Variants in ADGRL3 observed in about 807,000 individuals in gnomAD.
The protein encoded by ADGRL3 is calcium-independent alpha-latrotoxin receptor 3.
A neutral mutation model predicts 153.5 loss-of-function variants in ADGRL3; 62 were observed. That is an observed-to-expected ratio of 0.40 (90% CI 0.33 to 0.50). The LOEUF (loss-of-function observed/expected upper bound fraction) is 0.50, where lower values mean the gene tolerates loss of function less well. Among genes scored for constraint, ADGRL3 ranks in the 20% least tolerant of loss-of-function variants. ADGRL3 has a pLI of 0.47. For synonymous variants in ADGRL3, 710 were observed against 672.5 expected (o/e 1.06, Z -0.86); for missense variants, 1,641 against 1,859.4 (o/e 0.88, Z 2.16).
At chr4:62,048,879 C>G (rs1015293086) in intron 25 of ADGRL3, among the ~76,000 whole-genome samples, 1 of 151,966 alleles carries the variant, frequency 6.6e-6, no homozygotes, top group Non-Finnish European at 1.5e-5. Flanking sequence ...AACAATACCT[C>G]TAAAACTTCA....
At chr4:61,742,218 A>G (rs2096589270) in intron 8 of ADGRL3, among the ~76,000 whole-genome samples, 1 of 152,170 alleles carries the variant, frequency 6.6e-6, no homozygotes, top group Non-Finnish European at 1.5e-5. Context: ...GCCAAGTCAG[A>G]CATATGCTTC....
intron 4 of ADGRL3, among the ~76,000 whole-genome samples, chr4:61,524,221 C>T (rs941554633): frequency 5.5e-4 from 83 of 151,936 alleles, no homozygotes; most frequent in African/African-American, 2.0e-3. Context: ...TTTATAGAAG[C>T]GTTAACACAA....
chr4:61,912,689 G>A, intron 12 of ADGRL3, 30 bp from the exon 13 acceptor site: 2 of 1,606,182 alleles, frequency 1.2e-6, no homozygotes, highest in South Asian at 1.1e-5. Context: ...TTTCTATTCT[G>A]TGTTTAATCT....
intron 9 of ADGRL3, among the ~76,000 whole-genome samples, chr4:61,833,788 G>A (rs980610953): frequency 2.6e-5 from 4 of 152,032 alleles, no homozygotes; most frequent in African/African-American, 4.8e-5. Flanking sequence ...GGTTTGTCTT[G>A]GGAAAGATTG....
intron 1 of ADGRL3, among the ~76,000 whole-genome samples, chr4:61,365,068 G>A (rs2096369998): frequency 1.3e-5 from 2 of 152,086 alleles, no homozygotes; most frequent in Non-Finnish European, 2.9e-5. Flanking sequence ...TGGAAGATAA[G>A]TATTATAAGT....
In ADGRL3 at chr4:61,251,307, C is replaced by A. The variant is rs567796490; in HGVS notation, c.-240+49542C>A. ...CCTAGCTAGACTATTGACTAGAGAA[C>A]CTACACATGGCCTCCCCATGTGACC... On this transcript the variant is annotated intron_variant, in intron 1 of 26. Coordinates refer to ENST00000683033, the MANE Select transcript of ADGRL3 (RefSeq NM_001387552.1). Among the ~76,000 whole-genome samples the A allele has an allele frequency of 2.6e-5, 4 of 152,246 alleles. No individual in the cohort carries two copies. The South Asian group carries it at 6.2e-4, about 24-fold the overall frequency.
At chr4:61,251,391 A>T (rs539330860) in intron 1 of ADGRL3, among the ~76,000 whole-genome samples, 1 of 152,278 alleles carries the variant, frequency 6.6e-6, no homozygotes, top group African/African-American at 2.4e-5. Flanking sequence ...GAGCAGGTGT[A>T]TCAGGTAACC....
intron 1 of ADGRL3, among the ~76,000 whole-genome samples, chr4:61,381,831 GT>G (rs913555868): frequency 2.6e-5 from 4 of 151,962 alleles, no homozygotes; most frequent in Non-Finnish European, 5.9e-5. Flanking sequence ...TTAAAAATTT[GT>G]TTTTCCTGCC....
At chr4:61,292,148 C>A (rs1200638884) in intron 1 of ADGRL3, among the ~76,000 whole-genome samples, 5 of 151,728 alleles carry the variant, frequency 3.3e-5, no homozygotes, top group Non-Finnish European at 7.4e-5. Context: ...CAGCATGAAC[C>A]TCAATAAATA....
chr4:61,295,458 G>C (rs1256151947), intron 1 of ADGRL3, among the ~76,000 whole-genome samples: 1 of 152,166 alleles, frequency 6.6e-6, no homozygotes, highest in East Asian at 1.9e-4. Flanking sequence ...TTGGAACACA[G>C]TCCCTGTGAA....
At chr4:61,694,179 ATTTTTTTTTTTTTTTTTTTTTTTTT>A (rs554084495) in intron 6 of ADGRL3, among the ~76,000 whole-genome samples, 6 of 26,710 alleles carry the variant, frequency 2.2e-4, no homozygotes, top group Non-Finnish European at 3.5e-4. Context: ...TTTTGTCATT[ATTTTTTTTTTTTTTTTTTTTTTTTT>A]TTTTTTTTTT....
chr4:61,392,643 G>A (rs1254815567), intron 2 of ADGRL3, among the ~76,000 whole-genome samples: 8 of 116,482 alleles, frequency 6.9e-5, no homozygotes, highest in East Asian at 6.0e-4. Flanking sequence ...CCCAGATTGC[G>A]CCACTGCGCT....
At chr4:61,643,216 C>T (rs2093776775) in intron 5 of ADGRL3, among the ~76,000 whole-genome samples, 2 of 152,098 alleles carry the variant, frequency 1.3e-5, no homozygotes, top group African/African-American at 2.4e-5. Context: ...TCTAGATATA[C>T]AATCATGTTG....
At chr4:61,412,761 A>G (rs2152277055) in intron 2 of ADGRL3, among the ~76,000 whole-genome samples, 1 of 152,140 alleles carries the variant, frequency 6.6e-6, no homozygotes, top group Non-Finnish European at 1.5e-5. Flanking sequence ...TTCCTGTTCT[A>G]GATTTTTTTA....
chr4:61,612,434 G>C (rs2091476257), intron 5 of ADGRL3, among the ~76,000 whole-genome samples: 1 of 152,206 alleles, frequency 6.6e-6, no homozygotes, highest in South Asian at 2.1e-4. Flanking sequence ...TTATTTCTGT[G>C]TTTTGTCCTG....
At chr4:61,266,476 T>C (rs1023347798) in intron 1 of ADGRL3, among the ~76,000 whole-genome samples, 1 of 151,794 alleles carries the variant, frequency 6.6e-6, no homozygotes, top group Non-Finnish European at 1.5e-5. Flanking sequence ...ATCACTTCTA[T>C]TGAAAAAAGA....
At chr4:61,366,411 C>T (rs953904123) in intron 1 of ADGRL3, among the ~76,000 whole-genome samples, 2 of 152,120 alleles carry the variant, frequency 1.3e-5, no homozygotes, top group African/African-American at 4.8e-5. Context: ...ATCACTTTTC[C>T]CAGTGGGAAA....
chr4:61,247,836 G>T (rs1018353205), intron 1 of ADGRL3, among the ~76,000 whole-genome samples: 10 of 151,810 alleles, frequency 6.6e-5, no homozygotes, highest in Non-Finnish European at 1.2e-4. Context: ...TATACATCAG[G>T]AGCAATTGTC....
chr4:61,334,073 C>T (rs186846289), intron 1 of ADGRL3, among the ~76,000 whole-genome samples: 31 of 151,428 alleles, frequency 2.0e-4, no homozygotes, highest in Admixed American at 1.6e-3. Context: ...TGCACCACTA[C>T]GCTTGGGTAA....
Sources: gnomAD v4.1 joint callset for allele counts (sites outside exome capture counted in the v4.1 genomes callset) on GRCh38, gnomAD v4.1.1 for gene constraint, MANE v1.5 for transcripts, NCBI Gene and HGNC (gene_info 2026-07-23, HGNC 2026-07-21) for gene names.